Variants in LHCGR observed in about 807,000 individuals in gnomAD.
LHCGR encodes luteinizing hormone/choriogonadotropin receptor, also known as lutropin-choriogonadotropic hormone receptor.
Under a neutral mutation model 60.7 loss-of-function variants are expected in LHCGR, and 55 were observed. The observed-to-expected ratio is 0.91, with a 90% CI of 0.73 to 1.13. The LOEUF (loss-of-function observed/expected upper bound fraction) is 1.13, where lower values mean the gene tolerates loss of function less well. Ranked by LOEUF, LHCGR falls within the 50% of genes most tolerant of loss-of-function variation. LHCGR has a pLI of 0.00. For synonymous variants in LHCGR, 337 were observed against 316.5 expected (o/e 1.06, Z -0.69); for missense variants, 862 against 836.0 (o/e 1.03, Z -0.38).
intron 7 of LHCGR, among the ~76,000 whole-genome samples, chr2:48,710,819 T>C (rs953587898): frequency 6.6e-6 from 1 of 152,240 alleles, no homozygotes; most frequent in Non-Finnish European, 1.5e-5. Flanking sequence ...TGAACAACTT[T>C]GGACAGGTCT....
intron 1 of LHCGR, among the ~76,000 whole-genome samples, chr2:48,748,073 C>G (rs1336014460): frequency 6.6e-6 from 1 of 152,142 alleles, no homozygotes. Context: ...TCTGAGGCCT[C>G]TTTGTTACTC....
intron 1 of LHCGR, among the ~76,000 whole-genome samples, chr2:48,735,605 G>A (rs1057028714): frequency 1.3e-5 from 2 of 152,196 alleles, no homozygotes; most frequent in South Asian, 2.1e-4. Flanking sequence ...TTACTGCTTA[G>A]TTCTGACTTT....
At position 48,688,900 on chromosome 2, in the gene LHCGR, A is replaced by G; in HGVS notation, c.948-51T>C. 6.5e-7 allele frequency: 1 copy of G among 1,532,622 alleles called. No individual in the cohort carries two copies. Among genetic ancestry groups the G allele is most frequent in the Non-Finnish European group, 9.0e-7 (1 of 1,108,888 alleles). The allele number at this position is 1,532,622 out of a possible 1,614,324, so 94.9% of individuals were successfully genotyped here. On this transcript the variant is annotated intron_variant, in intron 10 of 10. Transcript: ENST00000294954. The surrounding 1 kb of genome is among the most constrained non-coding windows in gnomAD (Gnocchi z 5.2). Reference sequence around the variant, plus strand: ...GTAAGGGATTTTCTCTGAGTATTAAAAAATTCAAGAATTATGTTTCTTTAA... The same window carrying G: ...GTAAGGGATTTTCTCTGAGTATTAAGAAATTCAAGAATTATGTTTCTTTAA...
chr2:48,755,343 A>G (rs770758741), intron 1 of LHCGR, among the ~76,000 whole-genome samples, 168 bp downstream of exon 1: 5 of 152,140 alleles, frequency 3.3e-5, no homozygotes, highest in Admixed American at 6.5e-5. Flanking sequence ...AACAACCACC[A>G]AGTTTTGGGT....
chr2:48,689,404 A>G (rs1214807499), intron 10 of LHCGR, among the ~76,000 whole-genome samples: 1 of 152,192 alleles, frequency 6.6e-6, no homozygotes, highest in Non-Finnish European at 1.5e-5. Context: ...GTAGAACACA[A>G]ATGGAATTGG....
chr2:48,725,120 G>T (rs533061551), intron 4 of LHCGR, among the ~76,000 whole-genome samples: 7 of 152,138 alleles, frequency 4.6e-5, no homozygotes, highest in African/African-American at 1.7e-4. Flanking sequence ...GGCTACAGTG[G>T]TACTCAATTT....
chr2:48,717,464 G>GT (rs1370603219), intron 6 of LHCGR, among the ~76,000 whole-genome samples: 17 of 152,150 alleles, frequency 1.1e-4, no homozygotes, highest in African/African-American at 3.6e-4. Flanking sequence ...TAAAGCTATT[G>GT]TAAGGACTGA....
intron 7 of LHCGR, among the ~76,000 whole-genome samples, chr2:48,712,576 TAGG>T (rs1245566734): frequency 3.3e-4 from 51 of 152,266 alleles, no homozygotes; most frequent in Middle Eastern, 3.4e-3. Flanking sequence ...CACCCCATGA[TAGG>T]AGAACAACTT....
Position 48,708,939 on chromosome 2 carries a change from T to A in LHCGR, c.680+9A>T, listed in dbSNP as rs766301939. 6.2e-7 allele frequency: 1 copy of A among 1,612,324 alleles called. No individual in the cohort carries two copies. The highest frequency in any genetic ancestry group is 1.1e-5 in the South Asian group (1 of 91,040). On this transcript the variant is annotated intron_variant, in intron 8 of 10. Transcript: ENST00000294954. ...GGGCAGGGAGGGGAGGCAGCACCAT[T>A]CTACTCACAAGGTTTTCGGCCCTGT... is the stretch of plus-strand genomic sequence containing the variant.
intron 4 of LHCGR, among the ~76,000 whole-genome samples, chr2:48,725,387 C>A (rs914425406): frequency 3.3e-5 from 5 of 152,176 alleles, no homozygotes; most frequent in African/African-American, 1.2e-4. Flanking sequence ...TTATGACCTC[C>A]ATCTCCCATA....
Position 48,714,483 on chromosome 2 carries a change from C to CT in LHCGR, c.537-430dup, listed in dbSNP as rs61510695. Among the ~76,000 whole-genome samples the CT allele has an allele frequency of 9.3e-3, 1,300 of 139,902 alleles. 10 individuals carry two copies. Among genetic ancestry groups the CT allele is most frequent in the East Asian group, 0.025 (122 of 4,910 alleles). The allele number at this position is 139,902 out of a possible 152,430, so 91.8% of individuals were successfully genotyped here. On this transcript the variant is annotated intron_variant, in intron 6 of 10. Coordinates refer to ENST00000294954, the MANE Select transcript of LHCGR (RefSeq NM_000233.4). The stretch of plus-strand genomic sequence containing the variant: ...GAGGAAGCCTCCAGCACTGAGCCCA[C>CT]TTTTTTTTTTTTTTTTCTTGGATGA...
chr2:48,749,130 G>T (rs531937509), intron 1 of LHCGR, among the ~76,000 whole-genome samples: 11 of 152,340 alleles, frequency 7.2e-5, no homozygotes, highest in African/African-American at 2.4e-4. Context: ...TTTATAAATT[G>T]TACTTTTCTG....
chr2:48,743,583 A>G (rs1358129293), intron 1 of LHCGR, among the ~76,000 whole-genome samples: 1 of 152,142 alleles, frequency 6.6e-6, no homozygotes, highest in African/African-American at 2.4e-5. Context: ...ACAGAACCAA[A>G]GACAAAAACC....
At chr2:48,746,544 T>G (rs921735217) in intron 1 of LHCGR, among the ~76,000 whole-genome samples, 10 of 152,212 alleles carry the variant, frequency 6.6e-5, no homozygotes, top group African/African-American at 2.4e-4. Flanking sequence ...AAATGCAATT[T>G]GAGTGACTCT....
intron 8 of LHCGR, among the ~76,000 whole-genome samples, chr2:48,706,705 C>T (rs62135386): frequency 0.11 from 16,877 of 152,170 alleles, 1,050 homozygotes; most frequent in Middle Eastern, 0.23. Context: ...GTGTATGCTT[C>T]ACGAAGTTCT....
chr2:48,724,573 A>C (rs1668637963), intron 4 of LHCGR, among the ~76,000 whole-genome samples: 1 of 152,180 alleles, frequency 6.6e-6, no homozygotes. Flanking sequence ...GTGGGATTAG[A>C]CTGCAACGTG....
intron 1 of LHCGR, among the ~76,000 whole-genome samples, chr2:48,737,618 TGTCTTC>T (rs1669258170): frequency 1.3e-5 from 2 of 152,260 alleles, no homozygotes; most frequent in African/African-American, 2.4e-5. Flanking sequence ...TTACAGGGAA[TGTCTTC>T]ACTTATTGGC....
At chr2:48,741,209 G>A (rs533805393) in intron 1 of LHCGR, among the ~76,000 whole-genome samples, 39 of 152,294 alleles carry the variant, frequency 2.6e-4, no homozygotes, top group African/African-American at 7.5e-4. Context: ...CCAAATCTAC[G>A]TCTGATTGGT....
At chr2:48,713,008 A>G (rs1439955347) in intron 7 of LHCGR, among the ~76,000 whole-genome samples, 1 of 152,170 alleles carries the variant, frequency 6.6e-6, no homozygotes, top group Non-Finnish European at 1.5e-5. Flanking sequence ...GCTACCCAAC[A>G]TTAGACTGTG....
Sources: gnomAD v4.1 joint callset for allele counts (sites outside exome capture counted in the v4.1 genomes callset) on GRCh38, gnomAD v4.1.1 for gene constraint, Gnocchi (gnomAD v3.1) non-coding constraint, MANE v1.5 for transcripts, NCBI Gene and HGNC (gene_info 2026-07-23, HGNC 2026-07-21) for gene names.